AKAP6: variants seen among roughly 807,000 people sequenced by gnomAD.
AKAP6 encodes the protein A-kinase anchor protein 6.
A neutral mutation model predicts 188.5 loss-of-function variants in AKAP6; 58 were observed. The ratio of observed to expected loss-of-function variants is 0.31; its 90% CI spans 0.25 to 0.38. AKAP6 has a LOEUF of 0.38. Among genes scored for constraint, AKAP6 ranks in the 10% least tolerant of loss-of-function variants. AKAP6 has a pLI of 1.00. For missense variants in AKAP6, 2,710 were observed against 2,740.0 expected, an observed-to-expected ratio of 0.99 and a Z score of 0.24; for synonymous variants, 989 against 998.6, an observed-to-expected ratio of 0.99 and a Z score of 0.18.
intron 1 of AKAP6, among the ~76,000 whole-genome samples, chr14:32,428,815 G>T (rs1890122589): frequency 6.6e-6 from 1 of 152,158 alleles, no homozygotes; most frequent in South Asian, 2.1e-4. Context: ...TTGTTAGTAA[G>T]CCATCCATGG....
chr14:32,341,079 G>A (rs1886873755), intron 1 of AKAP6, among the ~76,000 whole-genome samples: 1 of 152,120 alleles, frequency 6.6e-6, no homozygotes, highest in South Asian at 2.1e-4. Context: ...AATACTTTTG[G>A]TGGTCAACCT....
chr14:32,821,189 C>T (rs962974486), intron 12 of AKAP6, among the ~76,000 whole-genome samples: 8 of 152,216 alleles, frequency 5.3e-5, no homozygotes, highest in African/African-American at 1.7e-4. Flanking sequence ...ATGTTATTGC[C>T]TTCAGTAACA....
rs986923954 is a variant in AKAP6, at chr14:32,537,305, C to T, written c.576+1500C>T. Among the ~76,000 whole-genome samples the T allele has an allele frequency of 1.4e-4, 22 of 152,282 alleles. 1 individual carries two copies. The highest frequency in any genetic ancestry group is 4.6e-4 in the African/African-American group (19 of 41,566). On this transcript the variant is annotated intron_variant, in intron 3 of 13. Coordinates refer to ENST00000280979, the MANE Select transcript of AKAP6 (RefSeq NM_004274.5). ...TGGCAGGACTTCAGTAGAGTAACCA[C>T]GGGATGAATATGTGAGTTGCGTGTT...
intron 7 of AKAP6, among the ~76,000 whole-genome samples, chr14:32,630,102 A>C (rs1479361745): frequency 1.3e-5 from 2 of 152,096 alleles, no homozygotes; most frequent in East Asian, 3.9e-4. Flanking sequence ...GTACAGGCCA[A>C]AGTACCAGCT....
At chr14:32,663,610 A>C (rs1335692424) in intron 7 of AKAP6, among the ~76,000 whole-genome samples, 1 of 152,120 alleles carries the variant, frequency 6.6e-6, no homozygotes, top group African/African-American at 2.4e-5. Flanking sequence ...AATTCCAGGC[A>C]GAAGAAACAA....
intron 4 of AKAP6, among the ~76,000 whole-genome samples, chr14:32,575,160 G>A (rs1346203195): frequency 6.6e-6 from 1 of 152,082 alleles, no homozygotes; most frequent in Non-Finnish European, 1.5e-5. Context: ...GTATTTGGGA[G>A]GAAATGAAAA....
At chr14:32,494,680 C>T (rs756720344) in intron 2 of AKAP6, among the ~76,000 whole-genome samples, 8 of 152,106 alleles carry the variant, frequency 5.3e-5, no homozygotes, top group African/African-American at 1.7e-4. Context: ...ATACTGCAGT[C>T]GGAATCTGAA....
At chr14:32,459,071 A>G (rs892268040) in intron 2 of AKAP6, among the ~76,000 whole-genome samples, 1 of 152,218 alleles carries the variant, frequency 6.6e-6, no homozygotes, top group Non-Finnish European at 1.5e-5. Context: ...CTACTTATAC[A>G]TACAACAATA....
At chr14:32,807,133 G>A (rs2034111063) in intron 12 of AKAP6, among the ~76,000 whole-genome samples, 1 of 151,682 alleles carries the variant, frequency 6.6e-6, no homozygotes, top group African/African-American at 2.4e-5. Flanking sequence ...ATCGCTTGAG[G>A]CTAGGAGTTC....
At chr14:32,686,629 G>C (rs971490025) in intron 8 of AKAP6, among the ~76,000 whole-genome samples, 1 of 152,034 alleles carries the variant, frequency 6.6e-6, no homozygotes. Flanking sequence ...AAAAGTAGAA[G>C]AGGGATATGT....
In AKAP6 at chr14:32,592,604, G is replaced by A. The variant is rs533603370; in HGVS notation, c.2470-6806G>A. Reference sequence around the variant, plus strand: ...GTTGCATTAGCTGGCATCTCAGAGGGCCCTGTAGGTCATGCTCAGGGCCTG... The same window carrying A: ...GTTGCATTAGCTGGCATCTCAGAGGACCCTGTAGGTCATGCTCAGGGCCTG... On this transcript the variant is annotated intron_variant, in intron 5 of 13. Coordinates refer to ENST00000280979, the MANE Select transcript of AKAP6 (RefSeq NM_004274.5). Among the ~76,000 whole-genome samples the A allele has an allele frequency of 1.3e-4, 20 of 152,252 alleles. No homozygotes were observed. In the East Asian group the frequency reaches 3.5e-3, roughly 27 times the overall value.
chr14:32,387,518 T>C (rs553513711), intron 1 of AKAP6, among the ~76,000 whole-genome samples: 1 of 148,500 alleles, frequency 6.7e-6, no homozygotes, highest in South Asian at 2.1e-4. Flanking sequence ...ATAATATATG[T>C]ATTGTTTATT....
At chr14:32,772,392 A>C (rs1479152459) in intron 11 of AKAP6, among the ~76,000 whole-genome samples, 3 of 152,182 alleles carry the variant, frequency 2.0e-5, no homozygotes, top group East Asian at 1.9e-4. Context: ...TTGAATAATA[A>C]AATTTCTAGT....
chr14:32,744,498 G>A (rs776165364), intron 11 of AKAP6, among the ~76,000 whole-genome samples: 8 of 151,628 alleles, frequency 5.3e-5, no homozygotes, highest in Non-Finnish European at 7.4e-5. Context: ...TTGTATCTTT[G>A]GTAGAGACAG....
chr14:32,640,058 G>T (rs1887686465), intron 7 of AKAP6, among the ~76,000 whole-genome samples: 1 of 151,960 alleles, frequency 6.6e-6, no homozygotes, highest in African/African-American at 2.4e-5. Flanking sequence ...AAATGGAAAA[G>T]ACATTATTAT....
At chr14:32,781,658 A>C (rs1381760483) in intron 12 of AKAP6, among the ~76,000 whole-genome samples, 2 of 152,204 alleles carry the variant, frequency 1.3e-5, no homozygotes, top group Non-Finnish European at 2.9e-5. Flanking sequence ...GATTCTTAAC[A>C]AAATTTTATC....
At chr14:32,398,674 A>G (rs929755517) in intron 1 of AKAP6, among the ~76,000 whole-genome samples, 1 of 152,024 alleles carries the variant, frequency 6.6e-6, no homozygotes, top group African/African-American at 2.4e-5. Flanking sequence ...GTCAAACTGT[A>G]GGCCTTTATA....
intron 1 of AKAP6, 143 bp from the exon 2 acceptor site, chr14:32,433,317 T>A: frequency 4.8e-6 from 3 of 623,396 alleles, no homozygotes; most frequent in Non-Finnish European, 8.2e-6. Flanking sequence ...TCAAAACACC[T>A]CTTTCTGTTT....
intron 1 of AKAP6, among the ~76,000 whole-genome samples, chr14:32,413,175 ATTTTT>A (rs10577801): frequency 1.3e-4 from 8 of 60,490 alleles, no homozygotes; most frequent in African/African-American, 3.6e-4. Context: ...ATTTATTGAA[ATTTTT>A]TTTTTTTTTT....
Sources: allele counts gnomAD v4.1 joint callset (sites outside exome capture counted in the v4.1 genomes callset), GRCh38; gene constraint gnomAD v4.1.1; transcripts MANE v1.5; gene names NCBI Gene and HGNC (gene_info 2026-07-23, HGNC 2026-07-21).